C14orf180: variants seen among roughly 807,000 people sequenced by gnomAD.
C14orf180 encodes the protein nutritionally-regulated adipose and cardiac enriched protein homolog.
C14orf180 carries 13 observed loss-of-function variants against 13.9 expected under a neutral mutation model. That is an observed-to-expected ratio of 0.94 (90% confidence interval 0.61 to 1.49). C14orf180 has a LOEUF of 1.49. C14orf180 is among the 40% of genes most tolerant of loss of function. The probability of loss-of-function intolerance (pLI) is 0.00; values close to 1 mark genes in which losing one functional copy is unlikely to be tolerated. For missense variants in C14orf180, 238 were observed against 232.0 expected (o/e 1.03, Z -0.17); for synonymous variants, 113 against 106.3 (o/e 1.06, Z -0.39).
chr14:104,582,937 C>A (rs1268396939), intron 1 of C14orf180, among the ~76,000 whole-genome samples: 1 of 152,198 alleles, frequency 6.6e-6, no homozygotes, highest in Non-Finnish European at 1.5e-5. Context: ...CCACTCCTTC[C>A]CTGCTTCCAC....
At chr14:104,588,228 G>A in intron 3 of C14orf180, 46 bp from the exon 4 acceptor site, 1 of 1,612,522 alleles carries the variant, frequency 6.2e-7, no homozygotes, top group South Asian at 1.1e-5. Context: ...GGCGCCCGAT[G>A]GACTGAGGCA....
intron 1 of C14orf180, among the ~76,000 whole-genome samples, chr14:104,584,476 C>T (rs1283095003): frequency 1.3e-5 from 2 of 152,206 alleles, no homozygotes; most frequent in African/African-American, 4.8e-5. Context: ...GAGAGCCCTT[C>T]CAGCCCCAGC....
intron 2 of C14orf180, 26 bp from the exon 3 acceptor site, chr14:104,587,723 C>T (rs1886676385): frequency 6.2e-6 from 10 of 1,610,084 alleles, no homozygotes; most frequent in Non-Finnish European, 8.5e-6. Context: ...GGGGACTCAC[C>T]AGTCTGCTTC....
At position 104,588,683 on chromosome 14, in the gene C14orf180, T is replaced by A; in HGVS notation, c.383T>A (p.Val128Glu). The A allele has an allele frequency of 2.6e-6, 4 of 1,535,180 alleles. No homozygotes were observed. Among genetic ancestry groups the A allele is most frequent in the Non-Finnish European group, 3.5e-6 (4 of 1,145,996 alleles). ...LGLYCGRAKPVATALEDLRAR... is the reference protein window; with the variant it reads ...LGLYCGRAKPEATALEDLRAR... The stretch of plus-strand genomic sequence containing the variant: ...CTATACTGCGGCCGGGCCAAGCCCG[T>A]GGCAACGGCACTGGAGGACCTGCGG... The change falls in exon 5 of 5, where the codon GTG (valine) becomes GAG (glutamate). Residue 128 changes from valine to glutamate, a missense_variant. By Grantham distance (121) the Val-to-Glu change is moderately radical (BLOSUM62 -2). Transcript: ENST00000557649.
At chr14:104,586,047 T>A (rs573503707) in intron 1 of C14orf180, among the ~76,000 whole-genome samples, 1 of 152,250 alleles carries the variant, frequency 6.6e-6, no homozygotes, top group South Asian at 2.1e-4. Context: ...GCCTTATCCA[T>A]GACCTCCAAA....
intron 3 of C14orf180, 103 bp downstream of exon 3, chr14:104,587,981 T>C: frequency 7.1e-7 from 1 of 1,409,828 alleles, no homozygotes; most frequent in Non-Finnish European, 9.5e-7. Context: ...GCCCAGGACA[T>C]GGGGGGGCCG....
At position 104,583,469 on chromosome 14, in the gene C14orf180, C is replaced by T. The variant is rs115074569; in HGVS notation, c.-16-2946C>T. Among the ~76,000 whole-genome samples, 447 of 152,310 alleles carry T rather than the reference C, an allele frequency of 2.9e-3. 1 individual carries two copies. Among genetic ancestry groups the T allele is most frequent in the African/African-American group, 9.8e-3 (407 of 41,558 alleles). On this transcript the variant is annotated intron_variant, in intron 1 of 4. Coordinates refer to ENST00000557649, the MANE Select transcript of C14orf180 (RefSeq NM_001008404.3). ...CTGTGCACTGACTCCCACCCTCACG[C>T]GAGCCCGCAGAGGCTGCTGCTCTCC...
In C14orf180 at chr14:104,588,612, G is replaced by C; in HGVS notation, c.312G>C (p.Leu104=). The change falls in exon 5 of 5, where the codon CTG becomes CTC. Residue 104 remains leucine, a synonymous_variant. Transcript: ENST00000557649. ...PGRPRPHGGS[L]LLQLCVCVLL... is the part of the protein sequence containing the mutation. Reference sequence around the variant, plus strand: ...GGCCCAGGCCACACGGCGGCTCCCTGCTCCTGCAGCTGTGTGTGTGCGTCC... The same window carrying C: ...GGCCCAGGCCACACGGCGGCTCCCTCCTCCTGCAGCTGTGTGTGTGCGTCC... The C allele has an allele frequency of 6.7e-7, 1 of 1,484,110 alleles. No homozygotes were observed. The highest frequency in any genetic ancestry group is 8.9e-7 in the Non-Finnish European group (1 of 1,119,496). 91.9% of individuals were successfully genotyped at this position (1,484,110 alleles called of 1,614,324 possible). A position where few individuals can be genotyped will look rare whatever the true frequency, so the allele number is the denominator to read the frequency against.
intron 1 of C14orf180, among the ~76,000 whole-genome samples, chr14:104,584,489 T>G (rs1270262025): frequency 6.6e-6 from 1 of 152,152 alleles, no homozygotes; most frequent in Non-Finnish European, 1.5e-5. Flanking sequence ...GCCCCAGCCC[T>G]GCTACGGACA....
intron 1 of C14orf180, among the ~76,000 whole-genome samples, chr14:104,582,207 G>T (rs1886461294): frequency 6.6e-6 from 1 of 152,184 alleles, no homozygotes; most frequent in Non-Finnish European, 1.5e-5. Context: ...GAAGCCAGCG[G>T]GCGGCGTCCT....
At position 104,588,781 on chromosome 14, in the gene C14orf180, T is replaced by TGACGGGCAG. The variant is rs11278058; in HGVS notation, c.*18_*26dup. The stretch of plus-strand genomic sequence containing the variant: ...CTGCTGGCGCGGCCTCCTGCGGCTC[T>TGACGGGCAG]GACGGGCAGGACGGGCAGGACGGGC... On this transcript the variant is annotated inframe_insertion and stop_retained_variant, in exon 5 of 5. Coordinates refer to ENST00000557649, the MANE Select transcript of C14orf180 (RefSeq NM_001008404.3). 6.4e-5 allele frequency: 98 copies of TGACGGGCAG among 1,532,866 alleles called. No individual in the cohort carries two copies. The highest frequency in any genetic ancestry group is 1.7e-4 in the Middle Eastern group (1 of 5,794). The allele number at this position is 1,532,866 out of a possible 1,614,324, so 95.0% of individuals were successfully genotyped here.
intron 2 of C14orf180, 101 bp downstream of exon 2, chr14:104,586,642 A>T: frequency 2.9e-6 from 1 of 339,570 alleles, no homozygotes; most frequent in Admixed American, 6.2e-5. Context: ...CCTCCACCCC[A>T]GGAATCAGGG....
In C14orf180 at chr14:104,588,314, G is replaced by A. The variant is rs1415576319; in HGVS notation, c.277+5G>A. 2.5e-6 allele frequency: 4 copies of A among 1,613,882 alleles called. No homozygotes were observed. Among genetic ancestry groups the A allele is most frequent in the Admixed American group, 1.7e-5 (1 of 60,026 alleles). ...ACGCCACAGCCACTGTCAGGGGTGA[G>A]TTCTGAGCCCACATCCCTGTGCCCC... On this transcript the variant is annotated splice_donor_5th_base_variant and intron_variant, in intron 4 of 4. Transcript: ENST00000557649.
At chr14:104,583,718 C>A (rs1431348644) in intron 1 of C14orf180, among the ~76,000 whole-genome samples, 1 of 152,090 alleles carries the variant, frequency 6.6e-6, no homozygotes, top group Non-Finnish European at 1.5e-5. Context: ...ATGGTTAATG[C>A]CACAGCCAGG....
At chr14:104,580,424 C>T (rs937130976) in intron 1 of C14orf180, among the ~76,000 whole-genome samples, 108 of 152,218 alleles carry the variant, frequency 7.1e-4, no homozygotes, top group African/African-American at 2.6e-3. Context: ...CACACAGGAG[C>T]TTCCAAAGGG....
intron 1 of C14orf180, among the ~76,000 whole-genome samples, chr14:104,581,891 G>A (rs1886449612): frequency 6.9e-6 from 1 of 145,506 alleles, no homozygotes. Flanking sequence ...AGGCTGCCGT[G>A]TGAATGGGTG....
intron 3 of C14orf180, 25 bp from the exon 4 acceptor site, chr14:104,588,249 G>C (rs1333231358): frequency 1.2e-6 from 2 of 1,613,780 alleles, no homozygotes; most frequent in Non-Finnish European, 1.7e-6. Context: ...GGTGCCCCCA[G>C]CTGACTCTCC....
At position 104,589,339 on chromosome 14, in the gene C14orf180, C is replaced by A. The variant is rs1886766187; in HGVS notation, c.*556C>A. 6.3e-6 allele frequency: 1 copy of A among 157,490 alleles called. No individual in the cohort carries two copies. Among genetic ancestry groups the A allele is most frequent in the Admixed American group, 6.5e-5 (1 of 15,400 alleles). The allele number at this position is 157,490 out of a possible 1,614,324, so 9.8% of individuals were successfully genotyped here. A position where few individuals can be genotyped will look rare whatever the true frequency, so the allele number is the denominator to read the frequency against. ...CATCCTCTGAGCCCAGGTCTGACCC[C>A]CCTACCCAGCCCCGTGAGTCTGGAG... On this transcript the variant is annotated 3_prime_UTR_variant, in exon 5 of 5. Transcript: ENST00000557649. This position sits in a 1 kb window ranked among gnomAD's most constrained non-coding sequence, Gnocchi z 4.9.
Position 104,587,729 on chromosome 14 carries a change from G to C in C14orf180, c.112-20G>C, listed in dbSNP as rs751639012. Reference sequence around the variant, plus strand: ...CCTCCCGCCGGGGACTCACCAGTCTGCTTCCCGCCCCCACACCAGGAGGAC... The same window carrying C: ...CCTCCCGCCGGGGACTCACCAGTCTCCTTCCCGCCCCCACACCAGGAGGAC... On this transcript the variant is annotated intron_variant, in intron 2 of 4. Coordinates refer to ENST00000557649, the MANE Select transcript of C14orf180 (RefSeq NM_001008404.3). 2 of 1,610,600 alleles carry C rather than the reference G, an allele frequency of 1.2e-6. No homozygotes were observed. Among genetic ancestry groups the C allele is most frequent in the Non-Finnish European group, 8.5e-7 (1 of 1,178,708 alleles).
Sources: gnomAD v4.1 joint callset for allele counts (sites outside exome capture counted in the v4.1 genomes callset) on GRCh38, gnomAD v4.1.1 for gene constraint, Gnocchi (gnomAD v3.1) non-coding constraint, MANE v1.5 for transcripts, NCBI Gene and HGNC (gene_info 2026-07-23, HGNC 2026-07-21) for gene names.